SNX19: variants seen among roughly 807,000 people sequenced by gnomAD.
SNX19 encodes sorting nexin-19.
A neutral mutation model predicts 85.2 loss-of-function variants in SNX19; 60 were observed. The observed-to-expected ratio is 0.70, with a 90% CI of 0.57 to 0.87. The LOEUF (loss-of-function observed/expected upper bound fraction) is 0.87. Among genes scored for constraint, SNX19 ranks in the 40% least tolerant of loss-of-function variants. The pLI, the probability that SNX19 is intolerant of heterozygous loss-of-function variation, is 0.00. For missense variants in SNX19, 1,201 were observed against 1,217.8 expected (o/e 0.99, Z 0.21); for synonymous variants, 520 against 470.0 (o/e 1.11, Z -1.38).
At chr11:130,907,917 TG>T (rs1945798913) in intron 5 of SNX19, 35 bp downstream of exon 5, 3 of 1,609,966 alleles carry the variant, frequency 1.9e-6, no homozygotes, top group African/African-American at 1.3e-5. Flanking sequence ...ATTTGAGAAC[TG>T]GGGAAAGGTC....
chr11:130,879,828 C>G, intron 9 of SNX19, 117 bp from the exon 10 acceptor site: 1 of 781,550 alleles, frequency 1.3e-6, no homozygotes, highest in Non-Finnish European at 2.2e-6. Context: ...TCAGGCCTAC[C>G]TCTAAACCAT....
chr11:130,890,886 G>A (rs76771551), intron 8 of SNX19, among the ~76,000 whole-genome samples: 6 of 93,630 alleles, frequency 6.4e-5, no homozygotes, highest in Admixed American at 3.6e-4. Context: ...GTAGGGATTT[G>A]GGTCTTTTTT....
intron 8 of SNX19, among the ~76,000 whole-genome samples, chr11:130,881,795 T>C (rs188013200): frequency 1.3e-5 from 2 of 152,360 alleles, no homozygotes; most frequent in African/African-American, 2.4e-5. Context: ...TCCTTCTCCA[T>C]AGACCTCCTT....
At chr11:130,912,485 C>T (rs1478077747) in intron 1 of SNX19, among the ~76,000 whole-genome samples, 1 of 152,170 alleles carries the variant, frequency 6.6e-6, no homozygotes, top group Admixed American at 6.5e-5. Flanking sequence ...TGCAACTCAG[C>T]ATGGGGGCAC....
At position 130,869,832 on chromosome 11, in the gene SNX19, T is replaced by C. The variant is rs1448437859; in HGVS notation, c.*8590A>G. On this transcript the variant is annotated 3_prime_UTR_variant, in exon 11 of 11. Transcript: ENST00000265909. Reference sequence around the variant, plus strand: ...ACATATAGCCTTAAGTTGATGTCCATATTGATTTAACTATCAAAAAGGCAA... The same window carrying C: ...ACATATAGCCTTAAGTTGATGTCCACATTGATTTAACTATCAAAAAGGCAA... 1 of 152,014 alleles carries C rather than the reference T, an allele frequency of 6.6e-6. No individual in the cohort carries two copies. The highest frequency in any genetic ancestry group is 1.5e-5 in the Non-Finnish European group (1 of 68,020). 9.4% of individuals were successfully genotyped at this position (152,014 alleles called of 1,614,324 possible).
chr11:130,912,214 T>A (rs1430282494), intron 1 of SNX19, among the ~76,000 whole-genome samples: 1 of 152,222 alleles, frequency 6.6e-6, no homozygotes, highest in Non-Finnish European at 1.5e-5. Flanking sequence ...ACAGCAGATA[T>A]AAATCATTTG....
chr11:130,890,482 C>G (rs1374785188), intron 8 of SNX19, among the ~76,000 whole-genome samples: 2 of 152,190 alleles, frequency 1.3e-5, no homozygotes, highest in African/African-American at 4.8e-5. Context: ...TGTTTCCTAT[C>G]AAATGAGTGA....
At chr11:130,901,530 A>G (rs765351300) in intron 8 of SNX19, among the ~76,000 whole-genome samples, 3 of 152,222 alleles carry the variant, frequency 2.0e-5, no homozygotes, top group Non-Finnish European at 4.4e-5. Flanking sequence ...TCGAAGGCAG[A>G]TACAGGAAGA....
At chr11:130,881,883 A>G (rs1050184876) in intron 8 of SNX19, among the ~76,000 whole-genome samples, 1 of 152,158 alleles carries the variant, frequency 6.6e-6, no homozygotes, top group Non-Finnish European at 1.5e-5. Flanking sequence ...CTTCAACTAA[A>G]TTATAAGCTG....
chr11:130,914,965 G>A lies in SNX19; in HGVS notation c.975C>T (p.Pro325=). 6.2e-7 allele frequency: 1 copy of A among 1,614,142 alleles called. No individual in the cohort carries two copies. ...SYSEPEGSAG[P]SPEVEEGHEA... ...CGTGGCCTTCTTCAACCTCTGGAGA[G>A]GGGCCTGCAGAACCCTCTGGCTCAC... Residue 325 remains proline (P), a synonymous_variant, in exon 1 of 11, where the codon CCC becomes CCT. Transcript: ENST00000265909.
In SNX19 at chr11:130,877,013, T is replaced by G. The variant is rs762629266; in HGVS notation, c.*1409A>C. On this transcript the variant is annotated 3_prime_UTR_variant, in exon 11 of 11. Transcript: ENST00000265909. Reference sequence around the variant, plus strand: ...ACAAACCACTTTAATTGTGTGCTCATCACCGACTTCAGAATCTAAGAGAAC... The same window carrying G: ...ACAAACCACTTTAATTGTGTGCTCAGCACCGACTTCAGAATCTAAGAGAAC... The G allele has an allele frequency of 6.6e-6, 1 of 152,250 alleles. No individual in the cohort carries two copies. Among genetic ancestry groups the G allele is most frequent in the African/African-American group, 2.4e-5 (1 of 41,468 alleles). 9.4% of individuals were successfully genotyped at this position (152,250 alleles called of 1,614,324 possible). A position where few individuals can be genotyped will look rare whatever the true frequency, so the allele number is the denominator to read the frequency against.
Position 130,879,686 on chromosome 11 carries a change from C to T in SNX19, c.2784G>A (p.Val928=), listed in dbSNP as rs765313539. ...GACCCCAGCTCAGCCGGCATTTGTT[C>T]ACCCCAAGAATTTCTACTACGAGAT... ...LPDLVVEILG[V]NKCRLSWGLV... is the part of the protein sequence containing the mutation. Residue 928 remains valine, a synonymous_variant, in exon 10 of 11, where the codon GTG becomes GTA. Coordinates refer to ENST00000265909, the MANE Select transcript of SNX19 (RefSeq NM_014758.3). 33 of 1,613,784 alleles carry T rather than the reference C, an allele frequency of 2.0e-5. No homozygotes were observed. In the South Asian group the frequency reaches 3.3e-4, roughly 16 times the overall value.
chr11:130,866,633 T>C lies in SNX19; in HGVS notation c.*11789A>G, dbSNP rs1401709465. On this transcript the variant is annotated 3_prime_UTR_variant, in exon 11 of 11. Coordinates refer to ENST00000265909, the MANE Select transcript of SNX19 (RefSeq NM_014758.3). ...TATAAATTTTAAAAACATAAGAAGG[T>C]TTGACATTCTGCCCAGAGCAACGGA... 1.3e-5 allele frequency: 2 copies of C among 152,098 alleles called. No homozygotes were observed. The highest frequency in any genetic ancestry group is 2.9e-5 in the Non-Finnish European group (2 of 68,008). 9.4% of individuals were successfully genotyped at this position (152,098 alleles called of 1,614,324 possible).
chr11:130,892,139 C>T (rs1009996537), intron 8 of SNX19, among the ~76,000 whole-genome samples: 1 of 150,512 alleles, frequency 6.6e-6, no homozygotes. Context: ...CCACTGCGCC[C>T]GGCCAATCTG....
intron 10 of SNX19, 28 bp downstream of exon 10, chr11:130,879,596 G>C (rs1268345667): frequency 6.3e-7 from 1 of 1,594,658 alleles, no homozygotes; most frequent in Non-Finnish European, 8.6e-7. Context: ...TAACTATGCT[G>C]ATGTTGGAAT....
rs2135435635 is a variant in SNX19 at position 130,916,127 on chromosome 11, T to C, written c.-188A>G. On this transcript the variant is annotated 5_prime_UTR_variant, in exon 1 of 11. An upstream start codon of the reference 5' UTR is lost. Coordinates refer to ENST00000265909, the MANE Select transcript of SNX19 (RefSeq NM_014758.3). ...ACAGCTGCAGCTCCGCGTCTCCCCA[T>C]GGCTACCACTAACAGAGCCCTCCAA... The C allele has an allele frequency of 5.7e-5, 34 of 601,506 alleles. No homozygotes were observed. In the South Asian group the frequency reaches 6.1e-4, roughly 11 times the overall value. The allele number at this position is 601,506 out of a possible 1,614,324, so 37.3% of individuals were successfully genotyped here.
Position 130,877,328 on chromosome 11 carries a change from T to A in SNX19, c.*1094A>T, listed in dbSNP as rs1224039038. On this transcript the variant is annotated 3_prime_UTR_variant, in exon 11 of 11. Transcript: ENST00000265909. ...TGCCTTTCTAATAGATGTTGCAGTC[T>A]GACAAAACACCTTTGCCTTCATGCT... 6.6e-6 allele frequency: 1 copy of A among 152,256 alleles called. No homozygotes were observed. Among genetic ancestry groups the A allele is most frequent in the Non-Finnish European group, 1.5e-5 (1 of 68,062 alleles). 9.4% of individuals were successfully genotyped at this position (152,256 alleles called of 1,614,324 possible).
At chr11:130,892,677 G>A (rs1183659093) in intron 8 of SNX19, 1 of 152,188 alleles carries the variant, frequency 6.6e-6, no homozygotes, top group African/African-American at 2.4e-5. Flanking sequence ...TTGGGACGAG[G>A]CCTCAGGGGG....
intron 8 of SNX19, among the ~76,000 whole-genome samples, chr11:130,896,220 G>C (rs976422458): frequency 9.2e-5 from 14 of 152,168 alleles, no homozygotes; most frequent in South Asian, 8.3e-4. Flanking sequence ...ATAAGACATA[G>C]CCAGGCATCA....
Sources: gnomAD v4.1 joint callset for allele counts (sites outside exome capture counted in the v4.1 genomes callset) on GRCh38, gnomAD v4.1.1 for gene constraint, MANE v1.5 for transcripts, NCBI Gene and HGNC (gene_info 2026-07-23, HGNC 2026-07-21) for gene names.